The following QPCT variants were observed in gnomAD, a reference collection of about 807,000 sequenced individuals.
QPCT encodes glutaminyl-peptide cyclotransferase.
Under a neutral mutation model 43.4 loss-of-function variants are expected in QPCT, and 44 were observed. The observed-to-expected ratio is 1.01, with a 90% CI of 0.80 to 1.30. The LOEUF is 1.30. QPCT is among the 50% of genes most tolerant of loss of function. The pLI, the probability that QPCT is intolerant of heterozygous loss-of-function variation, is 0.00. For missense variants in QPCT, 526 were observed against 436.5 expected (o/e 1.21, Z -1.83); for synonymous variants, 168 against 168.4 (o/e 1.00, Z 0.02).
chr2:37,367,357 A>G lies in QPCT; in HGVS notation c.672A>G (p.Ala224=), dbSNP rs774180600. 2 of 1,614,052 alleles carry G rather than the reference A, an allele frequency of 1.2e-6. No homozygotes were observed. Among genetic ancestry groups the G allele is most frequent in the Non-Finnish European group, 1.7e-6 (2 of 1,179,938 alleles). The change falls in exon 4 of 7, where the codon GCA becomes GCG. Residue 224 remains alanine, a synonymous_variant. Coordinates refer to ENST00000338415, the MANE Select transcript of QPCT (RefSeq NM_012413.4). The stretch of plus-strand genomic sequence containing the variant: ...CTCGACACTTAGCTGCAAAGATGGC[A>G]TCGACCCCGCACCCACCTGGAGCGA... ...YGSRHLAAKM[A]STPHPPGARG...
At chr2:37,363,764 A>G (rs925629565) in intron 3 of QPCT, among the ~76,000 whole-genome samples, 2 of 152,006 alleles carry the variant, frequency 1.3e-5, no homozygotes, top group African/African-American at 4.8e-5. Context: ...CTGTTCTAAT[A>G]TTCTTACAGA....
intron 3 of QPCT, among the ~76,000 whole-genome samples, chr2:37,365,684 G>C (rs1396892026): frequency 1.3e-5 from 2 of 152,208 alleles, no homozygotes; most frequent in African/African-American, 2.4e-5. Context: ...CAATGTCCTT[G>C]AGCAGATGAG....
At chr2:37,367,755 G>A (rs1672995519) in intron 4 of QPCT, among the ~76,000 whole-genome samples, 1 of 152,072 alleles carries the variant, frequency 6.6e-6, no homozygotes, top group Non-Finnish European at 1.5e-5. Flanking sequence ...TGTAATCTTA[G>A]CTACTCAAGA....
intron 5 of QPCT, among the ~76,000 whole-genome samples, chr2:37,370,745 T>C (rs1355150983): frequency 6.6e-6 from 1 of 152,158 alleles, no homozygotes; most frequent in African/African-American, 2.4e-5. Flanking sequence ...TACGTATCTA[T>C]GGCTGAAGAG....
At chr2:37,347,165 A>ATATATATATATATATATATATATATAT in intron 1 of QPCT, among the ~76,000 whole-genome samples, 1 of 27,342 alleles carries the variant, frequency 3.7e-5, no homozygotes, top group African/African-American at 1.9e-4. Flanking sequence ...TATATATATA[A>ATATATATATATATATATATATATATAT]CATATATATA....
intron 2 of QPCT, among the ~76,000 whole-genome samples, chr2:37,356,888 C>T (rs1672760064): frequency 6.6e-6 from 1 of 152,006 alleles, no homozygotes; most frequent in African/African-American, 2.4e-5. Context: ...TGCCTGTGGT[C>T]CCAGCTTTTC....
rs1438859569 is a variant in QPCT, at chr2:37,369,700, T to C, written c.739T>C (p.Leu247=). The change falls in exon 5 of 7, where the codon TTG becomes CTG. Residue 247 remains leucine, a synonymous_variant. Transcript: ENST00000338415. ...TCTCCCTCAGGATTTATTGGTCTTA[T>C]TGGATTTGATTGGAGCTCCAAACCC... ...QLHGMDLLVL[L]DLIGAPNPTF... is the part of the protein sequence containing the mutation. The C allele has an allele frequency of 3.1e-6, 5 of 1,600,358 alleles. No individual in the cohort carries two copies. Among genetic ancestry groups the C allele is most frequent in the African/African-American group, 2.7e-5 (2 of 74,734 alleles).
intron 3 of QPCT, 190 bp downstream of exon 3, chr2:37,360,048 G>C: frequency 1.6e-6 from 1 of 620,742 alleles, no homozygotes; most frequent in Non-Finnish European, 2.7e-6. Context: ...CCTAAGATAC[G>C]TGACAATGCA....
chr2:37,361,054 G>A (rs1375713626), intron 3 of QPCT, among the ~76,000 whole-genome samples: 2 of 152,016 alleles, frequency 1.3e-5, no homozygotes, highest in Non-Finnish European at 2.9e-5. Flanking sequence ...AGGTCTGAAT[G>A]AGTTATTGGA....
chr2:37,363,019 C>T (rs1337281446), intron 3 of QPCT, among the ~76,000 whole-genome samples: 1 of 152,146 alleles, frequency 6.6e-6, no homozygotes, highest in African/African-American at 2.4e-5. Flanking sequence ...GTGGGGCACC[C>T]CATGGAAATC....
rs530316887 is a variant in QPCT at position 37,344,960 on chromosome 2, G to A, written c.120+109G>A. 54 of 1,420,926 alleles carry A rather than the reference G, an allele frequency of 3.8e-5. 1 individual carries two copies. The South Asian group carries it at 7.5e-4, about 20-fold the overall frequency. The allele number at this position is 1,420,926 out of a possible 1,614,324, so 88.0% of individuals were successfully genotyped here. On this transcript the variant is annotated intron_variant, in intron 1 of 6. Transcript: ENST00000338415. ...AGAGCGGGAGGCGGGGCAGGGCCAC[G>A]GTCCCCAGCCCAGGCACCGGCGCCC...
At chr2:37,347,119 C>T (rs1672503082) in intron 1 of QPCT, among the ~76,000 whole-genome samples, 1 of 115,442 alleles carries the variant, frequency 8.7e-6, no homozygotes, top group African/African-American at 3.6e-5. Context: ...TATTTAGAGG[C>T]ATTGGCATCT....
intron 5 of QPCT, among the ~76,000 whole-genome samples, chr2:37,370,990 T>C (rs547769452): frequency 4.6e-4 from 70 of 152,264 alleles, no homozygotes; most frequent in African/African-American, 1.6e-3. Context: ...TTGTATTACT[T>C]CTAACAGTGG....
rs775183267 is a variant in QPCT at position 37,367,419 on chromosome 2, G to A, written c.723+11G>A. 7.2e-5 allele frequency: 116 copies of A among 1,611,480 alleles called. No individual in the cohort carries two copies. Among genetic ancestry groups the A allele is most frequent in the Non-Finnish European group, 1.4e-5 (16 of 1,179,070 alleles). ...CAACTGCATGGCATGGTTAGTCTGGGCAATTTCCCTAGCACTGTAGCTGTA... is the reference window on the plus strand; with the variant it reads ...CAACTGCATGGCATGGTTAGTCTGGACAATTTCCCTAGCACTGTAGCTGTA... On this transcript the variant is annotated intron_variant, in intron 4 of 6. Coordinates refer to ENST00000338415, the MANE Select transcript of QPCT (RefSeq NM_012413.4).
rs1163211842 is a variant in QPCT at position 37,359,627 on chromosome 2, AAT to A, written c.317_318del (p.Ile106ArgfsTer26). ...QRLQADWVLE[I>X]DTFLSQTPYG... ...GGCTTCAGGCTGACTGGGTCTTGGAAATAGACACCTTCTTGAGTCAGACACCC... is the reference window on the plus strand; with the variant it reads ...GGCTTCAGGCTGACTGGGTCTTGGAAAGACACCTTCTTGAGTCAGACACCC... On this transcript the variant is annotated frameshift_variant, in exon 3 of 7. Transcript: ENST00000338415. LOFTEE classifies it high-confidence loss of function. The A allele has an allele frequency of 2.5e-6, 4 of 1,614,204 alleles. No individual in the cohort carries two copies. In the South Asian group the frequency reaches 4.4e-5, roughly 18 times the overall value.
intron 4 of QPCT, among the ~76,000 whole-genome samples, chr2:37,367,981 G>A (rs530816807): frequency 6.6e-6 from 1 of 152,266 alleles, no homozygotes; most frequent in East Asian, 1.9e-4. Flanking sequence ...ATTCAGTTGG[G>A]CCCAATGGGA....
intron 3 of QPCT, among the ~76,000 whole-genome samples, chr2:37,365,401 T>C (rs1008421107): frequency 6.6e-6 from 1 of 152,158 alleles, no homozygotes; most frequent in African/African-American, 2.4e-5. Flanking sequence ...TGTAGAGTCA[T>C]TGGTGTCTTG....
chr2:37,349,334 A>G (rs1325364201), intron 1 of QPCT, among the ~76,000 whole-genome samples: 3 of 152,154 alleles, frequency 2.0e-5, no homozygotes, highest in Non-Finnish European at 2.9e-5. Context: ...TGCTGGATTT[A>G]CCCTTTAGTC....
chr2:37,369,424 T>G (rs1004817378), intron 4 of QPCT, among the ~76,000 whole-genome samples: 2 of 152,258 alleles, frequency 1.3e-5, no homozygotes, highest in Admixed American at 6.5e-5. Flanking sequence ...CTTCCTAATT[T>G]ATCCTTAGTG....
Sources: allele counts gnomAD v4.1 joint callset (sites outside exome capture counted in the v4.1 genomes callset), GRCh38; gene constraint gnomAD v4.1.1; transcripts MANE v1.5; gene names NCBI Gene and HGNC (gene_info 2026-07-23, HGNC 2026-07-21).